BCAR3: variants seen among roughly 807,000 people sequenced by gnomAD.
BCAR3 encodes BCAR3 adaptor protein, NSP family member, also known as breast cancer anti-estrogen resistance protein 3.
BCAR3 carries 37 observed loss-of-function variants against 80.1 expected under a neutral mutation model. The observed-to-expected ratio is 0.46, with a 90% CI of 0.36 to 0.61. The LOEUF (loss-of-function observed/expected upper bound fraction) is 0.61. BCAR3 is among the 20% of genes least tolerant of loss of function. BCAR3 has a pLI of 0.00. For synonymous variants in BCAR3, 389 were observed against 418.9 expected, an observed-to-expected ratio of 0.93 and a Z score of 0.87; for missense variants, 978 against 1,068.2, an observed-to-expected ratio of 0.92 and a Z score of 1.18.
chr1:93,687,800 G>A (rs1195162952), intron 3 of BCAR3, among the ~76,000 whole-genome samples: 1 of 152,110 alleles, frequency 6.6e-6, no homozygotes, highest in East Asian at 1.9e-4. Flanking sequence ...AGGCAGCTGG[G>A]GTAGGCATTA....
chr1:93,734,666 C>T (rs555420254), intron 2 of BCAR3, among the ~76,000 whole-genome samples: 55 of 152,242 alleles, frequency 3.6e-4, no homozygotes, highest in African/African-American at 1.2e-3. Context: ...GCCCCAGCAA[C>T]GTCGGCAAAG....
chr1:93,618,928 T>G lies in BCAR3; in HGVS notation c.357+23376A>C, dbSNP rs546672878. 9.3e-5 allele frequency among the ~76,000 whole-genome samples: 14 copies of G among 151,168 alleles called. No individual in the cohort carries two copies. In the East Asian group the frequency reaches 1.4e-3, roughly 15 times the overall value. On this transcript the variant is annotated intron_variant, in intron 3 of 11. Transcript: ENST00000260502. ...TTTACCAGCCTGAAGCCGTGGGTTT[T>G]TTTTTTTTTTGTTTTTTTTTTTTTA...
intron 1 of BCAR3, among the ~76,000 whole-genome samples, chr1:93,680,332 T>C (rs1648690313): frequency 6.6e-6 from 1 of 152,104 alleles, no homozygotes; most frequent in Admixed American, 6.5e-5. Flanking sequence ...AAAGTTGGAG[T>C]TGGAGTGGTG....
At chr1:93,761,267 C>T (rs1398949781) in intron 2 of BCAR3, among the ~76,000 whole-genome samples, 1 of 152,100 alleles carries the variant, frequency 6.6e-6, no homozygotes, top group Admixed American at 6.5e-5. Flanking sequence ...TTCTGCTGAC[C>T]CCAACGTCCT....
chr1:93,833,626 T>C (rs895227290), intron 2 of BCAR3, among the ~76,000 whole-genome samples: 1 of 152,214 alleles, frequency 6.6e-6, no homozygotes, highest in Non-Finnish European at 1.5e-5. Flanking sequence ...AATTCAGTGA[T>C]ATTTCTCCTA....
chr1:93,686,032 A>G (rs1648962273), upstream of BCAR3, among the ~76,000 whole-genome samples: 1 of 152,036 alleles, frequency 6.6e-6, no homozygotes, highest in Non-Finnish European at 1.5e-5. Flanking sequence ...TATGAGCTTC[A>G]CATATTTTTC....
At chr1:93,625,946 C>A (rs1675444688) in intron 3 of BCAR3, among the ~76,000 whole-genome samples, 1 of 152,230 alleles carries the variant, frequency 6.6e-6, no homozygotes. Context: ...ACTACACTTG[C>A]ATACTCAGGC....
chr1:93,607,455 A>T (rs1285800602), intron 3 of BCAR3, among the ~76,000 whole-genome samples: 1 of 152,116 alleles, frequency 6.6e-6, no homozygotes, highest in Non-Finnish European at 1.5e-5. Flanking sequence ...TAGGACAAGC[A>T]GGACAGATGG....
At chr1:93,777,421 TCCTC>T (rs1171740366) in intron 2 of BCAR3, among the ~76,000 whole-genome samples, 7 of 131,568 alleles carry the variant, frequency 5.3e-5, no homozygotes, top group African/African-American at 1.9e-4. Flanking sequence ...CTCTTCCTCC[TCCTC>T]TTCCTCCTCC....
chr1:93,781,606 A>AACCT (rs1652763633), intron 2 of BCAR3, among the ~76,000 whole-genome samples: 1 of 152,214 alleles, frequency 6.6e-6, no homozygotes, highest in Admixed American at 6.5e-5. Flanking sequence ...CTGGGAGGAT[A>AACCT]ACCTGCCTGA....
chr1:93,684,659 C>T (rs1187329131), upstream of BCAR3, among the ~76,000 whole-genome samples: 1 of 152,200 alleles, frequency 6.6e-6, no homozygotes, highest in Non-Finnish European at 1.5e-5. Flanking sequence ...AAATACTTGT[C>T]GTATGCCTAC....
At chr1:93,684,917 A>G (rs1648920319), upstream of BCAR3, among the ~76,000 whole-genome samples, 1 of 152,066 alleles carries the variant, frequency 6.6e-6, no homozygotes, top group African/African-American at 2.4e-5. Context: ...TTGAGTAGAA[A>G]CAGGGGTTCT....
intron 2 of BCAR3, among the ~76,000 whole-genome samples, chr1:93,797,662 A>T (rs1364325285): frequency 3.3e-5 from 5 of 152,032 alleles, no homozygotes; most frequent in Non-Finnish European, 5.9e-5. Context: ...GCTGGGTTTT[A>T]TTTTTGATAT....
chr1:93,590,865 G>C lies in BCAR3; in HGVS notation c.486+1400C>G, dbSNP rs7545472. Among the ~76,000 whole-genome samples the C allele has an allele frequency of 7.7e-3, 1,174 of 152,244 alleles. 10 individuals carry two copies. Among genetic ancestry groups the C allele is most frequent in the African/African-American group, 0.027 (1,111 of 41,520 alleles). The stretch of plus-strand genomic sequence containing the variant: ...TACCGTGGACAGACATACAATGTAG[G>C]CTGGTGCAGAAGAATATTCTACAGT... On this transcript the variant is annotated intron_variant, in intron 4 of 11. Coordinates refer to ENST00000260502, the MANE Select transcript of BCAR3 (RefSeq NM_003567.4).
chr1:93,625,530 T>C (rs1675432332), intron 3 of BCAR3, among the ~76,000 whole-genome samples: 1 of 152,204 alleles, frequency 6.6e-6, no homozygotes, highest in Non-Finnish European at 1.5e-5. Flanking sequence ...GTCCATCAGT[T>C]TCCTTATTTC....
intron 2 of BCAR3, among the ~76,000 whole-genome samples, chr1:93,805,361 C>A (rs1300545961): frequency 6.6e-6 from 1 of 152,180 alleles, no homozygotes; most frequent in Non-Finnish European, 1.5e-5. Flanking sequence ...TGAAAAGGAT[C>A]CTAGATAGCA....
At chr1:93,780,993 AG>A (rs370208420) in intron 2 of BCAR3, among the ~76,000 whole-genome samples, 236 of 152,334 alleles carry the variant, frequency 1.5e-3, no homozygotes, top group African/African-American at 5.3e-3. Flanking sequence ...CTTGAACAAA[AG>A]GTACTCTGGA....
intron 2 of BCAR3, among the ~76,000 whole-genome samples, chr1:93,656,354 G>C (rs1204820665): frequency 6.6e-6 from 1 of 151,174 alleles, no homozygotes; most frequent in East Asian, 1.9e-4. Context: ...TTTTCTCTCT[G>C]TGCTATGTTC....
chr1:93,661,782 C>A (rs2101931775), intron 2 of BCAR3, among the ~76,000 whole-genome samples: 1 of 152,364 alleles, frequency 6.6e-6, no homozygotes, highest in South Asian at 2.1e-4. Context: ...AGCCACTGCG[C>A]CCAGCCCCAA....
Sources: allele counts gnomAD v4.1 joint callset (sites outside exome capture counted in the v4.1 genomes callset), GRCh38; gene constraint gnomAD v4.1.1; transcripts MANE v1.5; gene names NCBI Gene and HGNC (gene_info 2026-07-23, HGNC 2026-07-21).